Variants in MPRIP observed in about 807,000 individuals in gnomAD.
MPRIP encodes the protein myosin phosphatase Rho interacting protein, also known as myosin phosphatase Rho-interacting protein.
A neutral mutation model predicts 234.9 loss-of-function variants in MPRIP; 59 were observed. That is an observed-to-expected ratio of 0.25 (90% CI 0.20 to 0.31). The LOEUF is 0.31. Among genes scored for constraint, MPRIP ranks in the 10% least tolerant of loss-of-function variants. The pLI, the probability that MPRIP is intolerant of heterozygous loss-of-function variation, is 1.00. For synonymous variants in MPRIP, 1,144 were observed against 1,263.9 expected (o/e 0.91, Z 2.01); for missense variants, 2,436 against 3,071.0 (o/e 0.79, Z 4.89).
At chr17:17,144,398 C>T (rs1367355857) in intron 9 of MPRIP, among the ~76,000 whole-genome samples, 1 of 152,208 alleles carries the variant, frequency 6.6e-6, no homozygotes, top group Non-Finnish European at 1.5e-5. Context: ...CTTCAGGTGT[C>T]TTGAACAAAA....
chr17:17,183,612 C>G (rs1490418725), intron 23 of MPRIP, among the ~76,000 whole-genome samples: 3 of 152,172 alleles, frequency 2.0e-5, no homozygotes, highest in African/African-American at 7.2e-5. Context: ...CAGAATATAG[C>G]AAACAAGCAG....
Position 17,101,606 on chromosome 17 carries a change from A to ATAT in MPRIP, c.267+23530_267+23531insTAT, listed in dbSNP as rs1555570620. Reference sequence around the variant, plus strand: ...TTTTTTAAACAACAACAACAAAAAAAATATATATATAGTTACTTCAAAGAA... The same window carrying ATAT: ...TTTTTTAAACAACAACAACAAAAAAATATATATATATATAGTTACTTCAAAGAA... On this transcript the variant is annotated intron_variant, in intron 3 of 23. Coordinates refer to ENST00000651222, the MANE Select transcript of MPRIP (RefSeq NM_001364716.4). 8.6e-5 allele frequency among the ~76,000 whole-genome samples: 13 copies of ATAT among 151,858 alleles called. No homozygotes were observed. The South Asian group carries it at 2.7e-3, about 32-fold the overall frequency.
intron 1 of MPRIP, among the ~76,000 whole-genome samples, chr17:17,057,297 G>A (rs2088729435): frequency 6.6e-6 from 1 of 152,268 alleles, no homozygotes. Context: ...CCGCCATGAG[G>A]CAGTGTCACG....
intron 3 of MPRIP, among the ~76,000 whole-genome samples, chr17:17,117,235 A>G (rs2144328908): frequency 6.6e-6 from 1 of 152,352 alleles, no homozygotes; most frequent in Non-Finnish European, 1.5e-5. Flanking sequence ...AGCAGGCGGC[A>G]CGGGTGTGCC....
intron 1 of MPRIP, among the ~76,000 whole-genome samples, chr17:17,064,859 T>C (rs371860381): frequency 4.3e-4 from 66 of 152,342 alleles, no homozygotes; most frequent in African/African-American, 1.5e-3. Context: ...TTTCATTCCC[T>C]GGAATAAATA....
At chr17:17,159,582 T>G (rs1597481526) in intron 14 of MPRIP, among the ~76,000 whole-genome samples, 1 of 152,212 alleles carries the variant, frequency 6.6e-6, no homozygotes, top group African/African-American at 2.4e-5. Flanking sequence ...AGGCCTTCAG[T>G]GCACCTAGGT....
chr17:17,086,766 A>C (rs2089600224), intron 3 of MPRIP, among the ~76,000 whole-genome samples: 1 of 152,148 alleles, frequency 6.6e-6, no homozygotes, highest in African/African-American at 2.4e-5. Flanking sequence ...TTTTCCCTGA[A>C]GTGTAATTTA....
chr17:17,153,495 G>A (rs1312140823), intron 12 of MPRIP, among the ~76,000 whole-genome samples: 2 of 151,830 alleles, frequency 1.3e-5, no homozygotes, highest in African/African-American at 4.8e-5. Flanking sequence ...GGGCGCAGTG[G>A]TCATGTCCCA....
At chr17:17,170,992 A>G (rs2046121011) in intron 16 of MPRIP, 1 of 152,212 alleles carries the variant, frequency 6.6e-6, no homozygotes, top group South Asian at 2.1e-4. Context: ...CAGAGGTGCT[A>G]AGTCATTGGT....
At chr17:17,119,792 G>A (rs2090353972) in intron 3 of MPRIP, among the ~76,000 whole-genome samples, 1 of 152,218 alleles carries the variant, frequency 6.6e-6, no homozygotes, top group African/African-American at 2.4e-5. Flanking sequence ...TACTCCTTAA[G>A]TGGGTCACAG....
rs1157262273 is a variant in MPRIP, at chr17:17,136,457, G to A, written c.736+7G>A. The A allele has an allele frequency of 2.5e-6, 4 of 1,605,688 alleles. No individual in the cohort carries two copies. Among genetic ancestry groups the A allele is most frequent in the South Asian group, 1.1e-5 (1 of 89,650 alleles). On this transcript the variant is annotated splice_region_variant and intron_variant, in intron 6 of 23. Coordinates refer to ENST00000651222, the MANE Select transcript of MPRIP (RefSeq NM_001364716.4). ...GGGCTAGAGAGCAAAGAAGGTGAGC[G>A]GAGGCCAGGCTGGCTTGTATGCACG...
At chr17:17,173,858 G>C in intron 18 of MPRIP, 58 bp from the exon 19 acceptor site, 1 of 1,604,078 alleles carries the variant, frequency 6.2e-7, no homozygotes, top group Non-Finnish European at 8.5e-7. Context: ...AGGGACACCG[G>C]CCTCTGAGAG....
intron 16 of MPRIP, 148 bp from the exon 17 acceptor site, chr17:17,171,570 T>C: frequency 1.0e-6 from 1 of 959,172 alleles, no homozygotes; most frequent in Middle Eastern, 3.4e-4. Context: ...AGGGATCCTG[T>C]TCAGGGCGCC....
At chr17:17,164,038 G>A in intron 15 of MPRIP, 71 bp from the exon 16 acceptor site, 1 of 1,108,198 alleles carries the variant, frequency 9.0e-7, no homozygotes, top group Non-Finnish European at 1.2e-6. Flanking sequence ...GGTTGTTCCT[G>A]GCCAGAGGTG....
At chr17:17,106,268 A>G (rs1180988920) in intron 3 of MPRIP, among the ~76,000 whole-genome samples, 1 of 152,150 alleles carries the variant, frequency 6.6e-6, no homozygotes, top group Non-Finnish European at 1.5e-5. Context: ...CTGGATTCCT[A>G]CACTCTTGGT....
Position 17,167,621 on chromosome 17 carries a change from G to A in MPRIP, c.6030G>A (p.Gln2010=). The A allele has an allele frequency of 7.7e-7, 1 of 1,304,288 alleles. No homozygotes were observed. Among genetic ancestry groups the A allele is most frequent in the South Asian group, 1.2e-5 (1 of 81,034 alleles). 80.8% of individuals were successfully genotyped at this position (1,304,288 alleles called of 1,614,324 possible). ...TCCAGCTCAAGGTCCGGGAGCTGCA[G>A]ACGATCCACGAGGAGGAGCTGAGGA... The part of the protein sequence containing the change: ...DRFQLKVREL[Q]TIHEEELRTL... Residue 2010 remains glutamine, a synonymous_variant, in exon 16 of 24, where the codon CAG becomes CAA. Coordinates refer to ENST00000651222, the MANE Select transcript of MPRIP (RefSeq NM_001364716.4). The surrounding 1 kb of genome is among the most constrained non-coding windows in gnomAD (Gnocchi z 5.9).
At chr17:17,104,699 A>T (rs1370456962) in intron 3 of MPRIP, among the ~76,000 whole-genome samples, 1 of 152,010 alleles carries the variant, frequency 6.6e-6, no homozygotes, top group Admixed American at 6.6e-5. Context: ...CCCCTCAGCC[A>T]CCCACGAGGT....
At chr17:17,104,354 G>A (rs1236550577) in intron 3 of MPRIP, among the ~76,000 whole-genome samples, 1 of 152,236 alleles carries the variant, frequency 6.6e-6, no homozygotes, top group African/African-American at 2.4e-5. Context: ...CTGCTGCATA[G>A]AACCTTTGGC....
At chr17:17,050,054 A>G (rs1190421650) in intron 1 of MPRIP, among the ~76,000 whole-genome samples, 1 of 148,842 alleles carries the variant, frequency 6.7e-6, no homozygotes, top group African/African-American at 2.5e-5. Context: ...GGGGCCGGGC[A>G]CAGTGGCTCA....
Sources: gnomAD v4.1 joint callset for allele counts (sites outside exome capture counted in the v4.1 genomes callset) on GRCh38, gnomAD v4.1.1 for gene constraint, Gnocchi (gnomAD v3.1) non-coding constraint, MANE v1.5 for transcripts, NCBI Gene and HGNC (gene_info 2026-07-23, HGNC 2026-07-21) for gene names.